Variants in FRY observed in about 807,000 individuals in gnomAD.
FRY encodes protein furry homolog.
FRY carries 128 observed loss-of-function variants against 348.4 expected under a neutral mutation model. The ratio of observed to expected loss-of-function variants is 0.37; its 90% CI spans 0.32 to 0.43. The LOEUF (loss-of-function observed/expected upper bound fraction) is 0.43. Ranked by LOEUF, FRY falls within the 20% of genes least tolerant of loss-of-function variation. The probability of loss-of-function intolerance (pLI) is 1.00; values close to 1 mark genes in which losing one functional copy is unlikely to be tolerated. For synonymous variants in FRY, 1,370 were observed against 1,374.7 expected, an observed-to-expected ratio of 1.00 and a Z score of 0.08; for missense variants, 2,736 against 3,695.2, an observed-to-expected ratio of 0.74 and a Z score of 6.73.
intron 29 of FRY, among the ~76,000 whole-genome samples, chr13:32,196,501 G>A (rs111712375): frequency 6.6e-6 from 1 of 152,228 alleles, no homozygotes; most frequent in Non-Finnish European, 1.5e-5. Context: ...CATTAGCTGT[G>A]GCAATGGGGA....
In FRY at chr13:32,124,853, A is replaced by G; in HGVS notation, c.694A>G (p.Ile232Val). 1 of 1,612,838 alleles carries G rather than the reference A, an allele frequency of 6.2e-7. No individual in the cohort carries two copies. Among genetic ancestry groups the G allele is most frequent in the Non-Finnish European group, 8.5e-7 (1 of 1,178,758 alleles). ...TGTGGCAGACCTGTATGCAGAAGTC[A>G]TTGGAGTGTTGGCACAAGCCAAGTA... The part of the protein sequence containing the change: ...HIVADLYAEV[I>V]GVLAQAKFPA... The change falls in exon 7 of 61, where the codon ATT becomes GTT. Residue 232 changes from isoleucine to valine, a missense_variant. This residue lies in a region of FRY where 309 missense variants were observed against 418.1 expected (regional missense o/e 0.74). Transcript: ENST00000542859.
At chr13:32,044,916 G>A (rs1023113915) in intron 1 of FRY, among the ~76,000 whole-genome samples, 1 of 152,168 alleles carries the variant, frequency 6.6e-6, no homozygotes, top group African/African-American at 2.4e-5. Flanking sequence ...AGAGTGTCAA[G>A]TGAAAAAGAT....
chr13:32,238,879 T>C (rs937819250), intron 44 of FRY, among the ~76,000 whole-genome samples: 2 of 152,244 alleles, frequency 1.3e-5, no homozygotes, highest in African/African-American at 4.8e-5. Context: ...AAGACTTAAA[T>C]TGGTTGGCCT....
At chr13:32,154,288 G>A (rs1167005313) in intron 14 of FRY, among the ~76,000 whole-genome samples, 1 of 152,078 alleles carries the variant, frequency 6.6e-6, no homozygotes, top group Non-Finnish European at 1.5e-5. Context: ...TCTAGAAAAT[G>A]GAGAAAGCAT....
intron 40 of FRY, among the ~76,000 whole-genome samples, chr13:32,229,609 AGTATT>A (rs2138428421): frequency 6.6e-6 from 1 of 152,274 alleles, no homozygotes; most frequent in South Asian, 2.1e-4. Context: ...GGAAAGGAAA[AGTATT>A]GTCACCACTC....
chr13:32,214,606 T>A (rs914874159), intron 35 of FRY, among the ~76,000 whole-genome samples: 2 of 152,208 alleles, frequency 1.3e-5, no homozygotes, highest in Non-Finnish European at 2.9e-5. Flanking sequence ...GTAGGCATTT[T>A]AAAGTGTTTA....
intron 35 of FRY, among the ~76,000 whole-genome samples, chr13:32,217,140 G>A (rs1292839780): frequency 6.6e-6 from 1 of 152,162 alleles, no homozygotes; most frequent in African/African-American, 2.4e-5. Context: ...AAGAAATAGA[G>A]TATTGATCTG....
intron 1 of FRY, among the ~76,000 whole-genome samples, chr13:32,054,688 A>G (rs1259454355): frequency 6.6e-6 from 1 of 152,056 alleles, no homozygotes; most frequent in African/African-American, 2.4e-5. Context: ...CCTGGCAAAC[A>G]CGGTGAGACC....
chr13:32,194,753 G>A (rs922563812), intron 29 of FRY, among the ~76,000 whole-genome samples: 2 of 152,074 alleles, frequency 1.3e-5, no homozygotes, highest in South Asian at 2.1e-4. Context: ...TGATACCAAA[G>A]GTTCTATAGA....
intron 32 of FRY, 103 bp from the exon 33 acceptor site, chr13:32,209,482 A>G (rs1478101405): frequency 1.0e-5 from 11 of 1,099,116 alleles, no homozygotes; most frequent in Non-Finnish European, 1.5e-5. Flanking sequence ...ACCCCTTCTT[A>G]TGATTTTGAG....
chr13:32,179,534 T>TGTGTGC, intron 22 of FRY, 141 bp from the exon 23 acceptor site: 1 of 697,554 alleles, frequency 1.4e-6, no homozygotes. Context: ...TGTGTGTGTG[T>TGTGTGC]GTGTGTGTTT....
chr13:32,197,436 G>C (rs2214122), intron 29 of FRY, among the ~76,000 whole-genome samples: 76,126 of 151,930 alleles, frequency 0.5, 19,063 homozygotes, highest in African/African-American at 0.53. Flanking sequence ...TTGGTTATGT[G>C]AGCCATCCAT....
In FRY at chr13:32,044,811, G is replaced by A. The variant is rs573418760; in HGVS notation, c.70+12946G>A. Among the ~76,000 whole-genome samples, 43 of 152,272 alleles carry A rather than the reference G, an allele frequency of 2.8e-4. 1 individual carries two copies. In the South Asian group the frequency reaches 8.9e-3, roughly 32 times the overall value. ...ATAGACTTGCTGCTTCCAGCCTTTG[G>A]ACATAGTTTGTGTAGGTGGCTGAAA... On this transcript the variant is annotated intron_variant, in intron 1 of 60. Transcript: ENST00000542859.
chr13:32,218,249 T>C (rs888469070), intron 35 of FRY, among the ~76,000 whole-genome samples: 3 of 152,240 alleles, frequency 2.0e-5, no homozygotes, highest in Admixed American at 6.5e-5. Context: ...CTTGTGCTTA[T>C]GAGCAAGAGT....
At chr13:32,065,067 G>A (rs1874171754) in intron 1 of FRY, among the ~76,000 whole-genome samples, 1 of 152,078 alleles carries the variant, frequency 6.6e-6, no homozygotes, top group Non-Finnish European at 1.5e-5. Context: ...CTTTAATATA[G>A]TAATTTATTT....
intron 39 of FRY, among the ~76,000 whole-genome samples, chr13:32,227,833 A>C (rs1005149908): frequency 3.3e-5 from 5 of 150,768 alleles, no homozygotes; most frequent in African/African-American, 1.2e-4. Context: ...CTCACTGCAA[A>C]CTCCACCCAC....
chr13:32,261,488 C>A (rs1347173209), intron 51 of FRY, 128 bp from the exon 52 acceptor site: 2 of 866,040 alleles, frequency 2.3e-6, no homozygotes, highest in Admixed American at 3.4e-5. Context: ...GTTTTGATAC[C>A]AAAGTCGATG....
At chr13:32,076,341 C>T (rs1875052651) in intron 1 of FRY, among the ~76,000 whole-genome samples, 1 of 152,092 alleles carries the variant, frequency 6.6e-6, no homozygotes, top group Non-Finnish European at 1.5e-5. Flanking sequence ...AGGTTTATAT[C>T]CCAGTCTCTG....
chr13:32,286,315 C>T (rs149292986), intron 58 of FRY, among the ~76,000 whole-genome samples: 1 of 152,114 alleles, frequency 6.6e-6, no homozygotes, highest in African/African-American at 2.4e-5. Flanking sequence ...TTTGAAAATT[C>T]AGAACCAGAT....
Sources: gnomAD v4.1 joint callset for allele counts (sites outside exome capture counted in the v4.1 genomes callset) on GRCh38, gnomAD v4.1.1 for gene constraint, gnomAD v4.1.1 regional missense constraint, MANE v1.5 for transcripts, NCBI Gene and HGNC (gene_info 2026-07-23, HGNC 2026-07-21) for gene names.